The following HS3ST4 variants were observed in gnomAD, a reference collection of about 807,000 sequenced individuals.
The protein encoded by HS3ST4 is heparan sulfate glucosamine 3-O-sulfotransferase 4.
Under a neutral mutation model 29.2 loss-of-function variants are expected in HS3ST4, and 17 were observed. That is an observed-to-expected ratio of 0.58 (90% CI 0.40 to 0.87). The LOEUF (loss-of-function observed/expected upper bound fraction) is 0.87, where lower values mean the gene tolerates loss of function less well. HS3ST4 is among the 40% of genes least tolerant of loss of function. HS3ST4 has a pLI of 0.00. For synonymous variants in HS3ST4, 314 were observed against 285.7 expected, an observed-to-expected ratio of 1.10 and a Z score of -1.00; for missense variants, 627 against 634.5, an observed-to-expected ratio of 0.99 and a Z score of 0.13.
intron 1 of HS3ST4, among the ~76,000 whole-genome samples, chr16:25,934,540 G>A (rs12932418): frequency 0.55 from 82,887 of 152,054 alleles, 23,385 homozygotes; most frequent in African/African-American, 0.61. Context: ...TGGACAGGCC[G>A]AGGTGCTTTT....
intron 1 of HS3ST4, among the ~76,000 whole-genome samples, chr16:26,094,233 G>A (rs1353333066): frequency 6.6e-6 from 1 of 152,118 alleles, no homozygotes; most frequent in Non-Finnish European, 1.5e-5. Flanking sequence ...AGCAAGGCAG[G>A]CCAACATTCA....
intron 1 of HS3ST4, among the ~76,000 whole-genome samples, chr16:26,074,085 C>G (rs981837181): frequency 9.2e-5 from 14 of 152,132 alleles, no homozygotes; most frequent in Admixed American, 2.6e-4. Context: ...TTCCGGTTTC[C>G]GAACAAAAAG....
intron 1 of HS3ST4, among the ~76,000 whole-genome samples, chr16:26,090,103 C>T (rs1374364286): frequency 2.0e-5 from 3 of 152,160 alleles, no homozygotes; most frequent in Non-Finnish European, 4.4e-5. Context: ...ATAAATGTCA[C>T]TTCCTCCATT....
At chr16:26,034,658 A>G (rs1456573083) in intron 1 of HS3ST4, among the ~76,000 whole-genome samples, 1 of 133,908 alleles carries the variant, frequency 7.5e-6, no homozygotes, top group Non-Finnish European at 1.5e-5. Context: ...GCTCCATTAA[A>G]TAGCAGGGGC....
At chr16:25,979,614 C>T (rs1310002591) in intron 1 of HS3ST4, among the ~76,000 whole-genome samples, 1 of 152,162 alleles carries the variant, frequency 6.6e-6, no homozygotes, top group Non-Finnish European at 1.5e-5. Flanking sequence ...TCAGGGCTCC[C>T]ACTGATTCTA....
chr16:26,084,768 TG>T (rs1898765718), intron 1 of HS3ST4, among the ~76,000 whole-genome samples: 2 of 150,982 alleles, frequency 1.3e-5, no homozygotes, highest in African/African-American at 2.5e-5. Flanking sequence ...TAGTTGTTGT[TG>T]TTTTTTTTTT....
At chr16:26,060,095 C>T (rs1898457495) in intron 1 of HS3ST4, among the ~76,000 whole-genome samples, 3 of 152,084 alleles carry the variant, frequency 2.0e-5, no homozygotes, top group Admixed American at 2.0e-4. Flanking sequence ...ATTATTTTTA[C>T]TTGTGATTGT....
At chr16:25,944,130 C>T (rs968679366) in intron 1 of HS3ST4, among the ~76,000 whole-genome samples, 6 of 152,182 alleles carry the variant, frequency 3.9e-5, no homozygotes, top group South Asian at 4.2e-4. Flanking sequence ...TTTGTTAGTG[C>T]GGCAATTTCC....
intron 1 of HS3ST4, among the ~76,000 whole-genome samples, chr16:25,921,301 C>A (rs1242670266): frequency 6.6e-6 from 1 of 152,164 alleles, no homozygotes; most frequent in Non-Finnish European, 1.5e-5. Context: ...TTTACTGAGC[C>A]CTCACTATGT....
intron 1 of HS3ST4, among the ~76,000 whole-genome samples, chr16:25,899,449 C>G (rs1020011886): frequency 6.6e-6 from 1 of 152,304 alleles, no homozygotes; most frequent in East Asian, 1.9e-4. Context: ...GGCCTATGAC[C>G]CAGTTCTGTC....
chr16:25,700,629 G>T (rs763807193), intron 1 of HS3ST4, among the ~76,000 whole-genome samples: 1 of 152,130 alleles, frequency 6.6e-6, no homozygotes, highest in Non-Finnish European at 1.5e-5. Flanking sequence ...AAGTTTTAAG[G>T]GTTTTGGTTT....
chr16:25,872,199 CT>C lies in HS3ST4; in HGVS notation c.734+179050del, dbSNP rs1205923081. Among the ~76,000 whole-genome samples the C allele has an allele frequency of 2.0e-5, 3 of 152,176 alleles. No homozygotes were observed. In the East Asian group the frequency reaches 5.8e-4, roughly 29 times the overall value. ...TCCCAGAGCGTGGTCAGCTTATGTG[CT>C]TATACTGATGAGAAGTGGTTTTGCT... On this transcript the variant is annotated intron_variant, in intron 1 of 1. Coordinates refer to ENST00000331351, the MANE Select transcript of HS3ST4 (RefSeq NM_006040.3).
intron 1 of HS3ST4, among the ~76,000 whole-genome samples, chr16:25,815,560 G>A (rs779866909): frequency 2.0e-5 from 3 of 152,110 alleles, no homozygotes; most frequent in Non-Finnish European, 2.9e-5. Context: ...CTGACCTCAG[G>A]TGATCCACCC....
At chr16:25,856,123 T>C (rs1010942395) in intron 1 of HS3ST4, among the ~76,000 whole-genome samples, 48 of 152,118 alleles carry the variant, frequency 3.2e-4, no homozygotes, top group African/African-American at 1.1e-3. Context: ...TAGTAGAGTT[T>C]CTGGACGTAA....
At chr16:26,109,026 A>G (rs1899093157) in intron 1 of HS3ST4, among the ~76,000 whole-genome samples, 1 of 152,154 alleles carries the variant, frequency 6.6e-6, no homozygotes, top group Admixed American at 6.6e-5. Context: ...AACCTAGATT[A>G]TACAGGAACA....
intron 1 of HS3ST4, among the ~76,000 whole-genome samples, chr16:25,948,931 T>TC (rs1434447084): frequency 6.6e-6 from 1 of 152,096 alleles, no homozygotes; most frequent in Non-Finnish European, 1.5e-5. Context: ...AATTCTGGGG[T>TC]CTGAGGATGA....
intron 1 of HS3ST4, among the ~76,000 whole-genome samples, chr16:25,905,881 G>A (rs187323859): frequency 1.4e-4 from 21 of 152,254 alleles, no homozygotes; most frequent in African/African-American, 5.1e-4. Context: ...GCGCATCAGG[G>A]CAGGTTTCAT....
intron 1 of HS3ST4, among the ~76,000 whole-genome samples, chr16:25,889,252 C>G (rs1188279181): frequency 1.3e-5 from 2 of 152,152 alleles, no homozygotes; most frequent in Non-Finnish European, 2.9e-5. Flanking sequence ...CTCTGAGGGA[C>G]TCTCTCCTTT....
intron 1 of HS3ST4, among the ~76,000 whole-genome samples, chr16:26,006,956 T>C (rs1567292184): frequency 6.6e-6 from 1 of 152,242 alleles, no homozygotes; most frequent in East Asian, 1.9e-4. Context: ...CAGAAATGCC[T>C]AAGGGCAGCT....
Sources: allele counts gnomAD v4.1 joint callset (sites outside exome capture counted in the v4.1 genomes callset), GRCh38; gene constraint gnomAD v4.1.1; transcripts MANE v1.5; gene names NCBI Gene and HGNC (gene_info 2026-07-23, HGNC 2026-07-21).